Variants in ADH1C observed in about 807,000 individuals in gnomAD.
The protein encoded by ADH1C is alcohol dehydrogenase 1C (class I), gamma polypeptide, also known as alcohol dehydrogenase 1C.
Under a neutral mutation model 35.0 loss-of-function variants are expected in ADH1C, and 26 were observed. The observed-to-expected ratio is 0.74, with a 90% CI of 0.54 to 1.03. The LOEUF (loss-of-function observed/expected upper bound fraction) is 1.03. Among genes scored for constraint, ADH1C ranks in the 50% least tolerant of loss-of-function variants. ADH1C has a pLI of 0.00. For missense variants in ADH1C, 413 were observed against 465.4 expected (o/e 0.89, Z 1.04); for synonymous variants, 170 against 169.3 (o/e 1.00, Z -0.03).
chr4:99,343,873 C>T (rs1734468717), intron 5 of ADH1C, among the ~76,000 whole-genome samples: 1 of 152,182 alleles, frequency 6.6e-6, no homozygotes, highest in South Asian at 2.1e-4. Context: ...CTCCCATAGT[C>T]AGCCTTCGTT....
chr4:99,337,248 T>C (rs933640778), intron 8 of ADH1C, among the ~76,000 whole-genome samples: 5 of 152,212 alleles, frequency 3.3e-5, no homozygotes, highest in Non-Finnish European at 4.4e-5. Context: ...CTTAGAAAGA[T>C]TTGTAATTTG....
chr4:99,345,294 T>G (rs372619007), intron 3 of ADH1C, 28 bp from the exon 4 acceptor site: 212 of 1,587,792 alleles, frequency 1.3e-4, no homozygotes, highest in Admixed American at 3.6e-4. Context: ...AAATTCTTCT[T>G]AAATTTCTAT....
At position 99,339,512 on chromosome 4, in the gene ADH1C, GCC is replaced by G. The variant is rs5860576; in HGVS notation, c.1103+63_1103+64del. 3,871 of 742,042 alleles carry G rather than the reference GCC, an allele frequency of 5.2e-3. 166 individuals are homozygous for G. The highest frequency in any genetic ancestry group is 0.05 in the African/African-American group (2,596 of 51,712). The allele number at this position is 742,042 out of a possible 1,614,324, so 46.0% of individuals were successfully genotyped here. A position where few individuals can be genotyped will look rare whatever the true frequency, so the allele number is the denominator to read the frequency against. On this transcript the variant is annotated intron_variant, in intron 8 of 8. Coordinates refer to ENST00000515683, the MANE Select transcript of ADH1C (RefSeq NM_000669.5). ...ACCTTTTCATTCTCTGCTAGACAAC[GCC>G]CCCCCCCCCCCCGCCGCTACTGTAG...
chr4:99,344,115 T>C (rs1292858270), intron 5 of ADH1C, among the ~76,000 whole-genome samples: 1 of 152,218 alleles, frequency 6.6e-6, no homozygotes, highest in Non-Finnish European at 1.5e-5. Flanking sequence ...ATTTTAGTCT[T>C]AGTGCTCATA....
chr4:99,341,523 G>C (rs985437512), intron 6 of ADH1C, among the ~76,000 whole-genome samples: 1 of 152,188 alleles, frequency 6.6e-6, no homozygotes, highest in Non-Finnish European at 1.5e-5. Flanking sequence ...AGCATAAGGA[G>C]AAAAGCTATA....
intron 8 of ADH1C, among the ~76,000 whole-genome samples, chr4:99,337,525 T>A (rs1243905254): frequency 6.6e-6 from 1 of 152,138 alleles, no homozygotes; most frequent in Non-Finnish European, 1.5e-5. Flanking sequence ...GCCTTTTCTA[T>A]AAACCAACTT....
At chr4:99,350,906 G>A (rs1439894268) in intron 1 of ADH1C, 1 of 152,218 alleles carries the variant, frequency 6.6e-6, no homozygotes, top group African/African-American at 2.4e-5. Flanking sequence ...GGGAGGCCGA[G>A]GTGGGCGGAT....
chr4:99,342,696 AT>A, intron 6 of ADH1C, 98 bp downstream of exon 6: 2 of 1,521,236 alleles, frequency 1.3e-6, no homozygotes, highest in Non-Finnish European at 1.8e-6. Flanking sequence ...TCCATTCATC[AT>A]TAAAAATATC....
chr4:99,339,004 G>T (rs917174969), intron 8 of ADH1C, among the ~76,000 whole-genome samples: 1 of 151,474 alleles, frequency 6.6e-6, no homozygotes, highest in East Asian at 1.9e-4. Flanking sequence ...TTTAAAATAG[G>T]GTTTAGTACC....
intron 1 of ADH1C, 82 bp downstream of exon 1, chr4:99,352,576 A>G (rs1363487044): frequency 8.2e-7 from 1 of 1,221,424 alleles, no homozygotes; most frequent in Non-Finnish European, 1.2e-6. Context: ...TAAATTTTAA[A>G]TTATTCATTA....
intron 1 of ADH1C, among the ~76,000 whole-genome samples, chr4:99,351,917 A>G (rs1734687556): frequency 6.6e-6 from 1 of 152,204 alleles, no homozygotes. Context: ...TATAGAAGAA[A>G]AAACAAATAT....
intron 3 of ADH1C, among the ~76,000 whole-genome samples, chr4:99,345,972 T>C (rs1048365447): frequency 3.3e-5 from 5 of 152,206 alleles, no homozygotes; most frequent in Non-Finnish European, 5.9e-5. Flanking sequence ...TTTACTGTTA[T>C]GGTGGAAGGA....
At position 99,340,574 on chromosome 4, in the gene ADH1C, C is replaced by T. The variant is rs1345429400; in HGVS notation, c.964+1G>A. On this transcript the variant is annotated splice_donor_variant, in intron 7 of 8. Transcript: ENST00000515683. LOFTEE classifies it high-confidence loss of function. ...TTTGGCTCTGAAGCCTAACTACATA[C>T]CTCCAAAAATAGCTCCTTTCCACGT... The T allele has an allele frequency of 6.2e-7, 1 of 1,614,050 alleles. No individual in the cohort carries two copies. The highest frequency in any genetic ancestry group is 1.1e-5 in the South Asian group (1 of 91,070).
chr4:99,342,509 G>T (rs1389220143), intron 6 of ADH1C, among the ~76,000 whole-genome samples: 1 of 152,024 alleles, frequency 6.6e-6, no homozygotes, highest in Non-Finnish European at 1.5e-5. Flanking sequence ...ATTTAAGTTT[G>T]CATTTTAAAC....
intron 1 of ADH1C, among the ~76,000 whole-genome samples, chr4:99,349,704 C>A (rs1474248308): frequency 6.6e-6 from 1 of 152,114 alleles, no homozygotes; most frequent in Non-Finnish European, 1.5e-5. Flanking sequence ...TTAGCTTTGG[C>A]AGCCTGTTTT....
At chr4:99,338,090 G>C (rs1339171027) in intron 8 of ADH1C, among the ~76,000 whole-genome samples, 1 of 151,546 alleles carries the variant, frequency 6.6e-6, no homozygotes, top group Non-Finnish European at 1.5e-5. Context: ...TTACCAAATT[G>C]CTTTCCCAAA....
In ADH1C at chr4:99,343,075, A is replaced by G. The variant is rs1425673085; in HGVS notation, c.568-20T>C. 1.9e-6 allele frequency: 3 copies of G among 1,606,608 alleles called. No homozygotes were observed. Among genetic ancestry groups the G allele is most frequent in the Non-Finnish European group, 2.5e-6 (3 of 1,176,788 alleles). On this transcript the variant is annotated intron_variant, in intron 5 of 8. Coordinates refer to ENST00000515683, the MANE Select transcript of ADH1C (RefSeq NM_000669.5). The stretch of plus-strand genomic sequence containing the variant: ...GGTGACCTATGTTTTCAGAAAATGC[A>G]AAAATGAATTAAATAATGTTTGTTA...
Position 99,344,927 on chromosome 4 carries a change from C to A in ADH1C, c.502G>T (p.Glu168Ter). 7.4e-6 allele frequency: 12 copies of A among 1,614,194 alleles called. No individual in the cohort carries two copies. Among genetic ancestry groups the A allele is most frequent in the Non-Finnish European group, 9.3e-6 (11 of 1,180,044 alleles). The change falls in exon 5 of 9, where the codon GAG (glutamate) becomes TAG (stop). Residue 168 changes from glutamate to a stop codon, truncating the protein, a stop_gained. Coordinates refer to ENST00000515683, the MANE Select transcript of ADH1C (RefSeq NM_000669.5). LOFTEE classifies it high-confidence loss of function. ...CCACAGCCAATGAGGCAGACTTTCT[C>A]CAGGGGCGAGGCTGCATCAATTTTG... ...VAKIDAASPLEKVCLIGCGFS... is the reference protein window; with the variant it reads ...VAKIDAASPL
intron 1 of ADH1C, among the ~76,000 whole-genome samples, chr4:99,348,910 C>A (rs1210349964): frequency 1.3e-5 from 2 of 150,540 alleles, no homozygotes; most frequent in African/African-American, 4.9e-5. Context: ...TGTTTTTTGG[C>A]TGCATAAATG....
Sources: gnomAD v4.1 joint callset for allele counts (sites outside exome capture counted in the v4.1 genomes callset) on GRCh38, gnomAD v4.1.1 for gene constraint, MANE v1.5 for transcripts, NCBI Gene and HGNC (gene_info 2026-07-23, HGNC 2026-07-21) for gene names.